USO1: variants seen among roughly 807,000 people sequenced by gnomAD.
USO1 encodes the protein USO1 vesicle transport factor, also known as general vesicular transport factor p115.
A neutral mutation model predicts 124.5 loss-of-function variants in USO1; 57 were observed. The observed-to-expected ratio is 0.46, with a 90% confidence interval of 0.37 to 0.57. The LOEUF is 0.57. Ranked by LOEUF, USO1 falls within the 20% of genes least tolerant of loss-of-function variation. USO1 has a pLI of 0.00. For synonymous variants in USO1, 369 were observed against 362.8 expected (o/e 1.02, Z -0.19); for missense variants, 900 against 1,040.6 (o/e 0.86, Z 1.86).
chr4:75,787,401 A>G (rs1046093552), intron 10 of USO1, among the ~76,000 whole-genome samples, 199 bp downstream of exon 10: 1 of 152,220 alleles, frequency 6.6e-6, no homozygotes, highest in African/African-American at 2.4e-5. Context: ...CAAGTTTTAT[A>G]GTACATAAAT....
chr4:75,796,778 G>A (rs1327811398), intron 13 of USO1, among the ~76,000 whole-genome samples: 1 of 151,120 alleles, frequency 6.6e-6, no homozygotes, highest in Admixed American at 6.6e-5. Flanking sequence ...ACACACTCTA[G>A]GGGCTCTGAA....
chr4:75,791,590 G>C (rs1279871002), intron 12 of USO1, among the ~76,000 whole-genome samples: 1 of 152,182 alleles, frequency 6.6e-6, no homozygotes, highest in Non-Finnish European at 1.5e-5. Context: ...TCAGTCTGTT[G>C]TTCTAGTATA....
intron 4 of USO1, among the ~76,000 whole-genome samples, chr4:75,765,072 C>G (rs1396873555): frequency 1.3e-5 from 2 of 152,134 alleles, no homozygotes; most frequent in African/African-American, 2.4e-5. Flanking sequence ...AAATTACTTT[C>G]AAACGCATGA....
At chr4:75,773,515 G>C (rs1000110019) in intron 7 of USO1, among the ~76,000 whole-genome samples, 1 of 152,102 alleles carries the variant, frequency 6.6e-6, no homozygotes, top group African/African-American at 2.4e-5. Context: ...AGTCAGTAGG[G>C]CAACCAATTT....
chr4:75,802,736 C>CTTT (rs997798305), intron 17 of USO1, among the ~76,000 whole-genome samples: 212 of 63,694 alleles, frequency 3.3e-3, no homozygotes, highest in African/African-American at 4.2e-3. Flanking sequence ...TTTTTCTTTT[C>CTTT]TTTTTTTTTT....
intron 4 of USO1, among the ~76,000 whole-genome samples, chr4:75,759,943 G>A (rs1415735653): frequency 6.6e-6 from 1 of 151,548 alleles, no homozygotes; most frequent in East Asian, 1.9e-4. Context: ...CAGACATGGT[G>A]GCTCACGCCT....
At chr4:75,790,047 T>TAAAAA in intron 10 of USO1, 103 bp from the exon 11 acceptor site, 1 of 1,005,548 alleles carries the variant, frequency 9.9e-7, no homozygotes, top group Non-Finnish European at 1.3e-6. Context: ...TAAAGTATAA[T>TAAAAA]AAAAAAAAAA....
chr4:75,756,126 C>T (rs1401482686), intron 3 of USO1, among the ~76,000 whole-genome samples: 3 of 148,368 alleles, frequency 2.0e-5, no homozygotes, highest in African/African-American at 2.5e-5. Flanking sequence ...GTCAAGATCG[C>T]GCCACTGCAC....
chr4:75,810,360 A>T (rs988959871), intron 21 of USO1, 72 bp from the exon 22 acceptor site: 2 of 1,444,448 alleles, frequency 1.4e-6, no homozygotes, highest in African/African-American at 2.9e-5. Context: ...CAAAAAAATT[A>T]AATAACCCTT....
At position 75,757,619 on chromosome 4, in the gene USO1, A is replaced by G; in HGVS notation, c.295+46A>G. 3 of 1,351,280 alleles carry G rather than the reference A, an allele frequency of 2.2e-6. No homozygotes were observed. In the East Asian group the frequency reaches 9.1e-5, roughly 41 times the overall value. The allele number at this position is 1,351,280 out of a possible 1,614,324, so 83.7% of individuals were successfully genotyped here. A position where few individuals can be genotyped will look rare whatever the true frequency, so the allele number is the denominator to read the frequency against. On this transcript the variant is annotated intron_variant, in intron 4 of 23. Transcript: ENST00000514213. The stretch of plus-strand genomic sequence containing the variant: ...ACTGTGTTTTCTGTACTTAAAACCA[A>G]CTGGGTTGTGCTAATTTTGCTGGTT...
chr4:75,729,484 T>G (rs2869174), intron 1 of USO1, among the ~76,000 whole-genome samples: 1 of 152,016 alleles, frequency 6.6e-6, no homozygotes, highest in Admixed American at 6.6e-5. Context: ...GGACTACAGG[T>G]GCACGCCACC....
rs908275445 is a variant in USO1, at chr4:75,812,173, C to T, written c.2597C>T (p.Ala866Val). 1 of 1,603,396 alleles carries T rather than the reference C, an allele frequency of 6.2e-7. No individual in the cohort carries two copies. Residue 866 changes from alanine (A) to valine (V), a missense_variant, in exon 23 of 24, where the codon GCT becomes GTT. Physicochemically the swap from Ala to Val is moderately conservative, Grantham distance 64 (BLOSUM62 0). This residue lies in a region of USO1 where 362 missense variants were observed against 359.0 expected (regional missense o/e 1.01). Transcript: ENST00000514213. ...TTCTTTTCCTAGAATGAAATTAAAGCTCTGTCTGAGGAAAGAACTGCCATT... is the reference window on the plus strand; with the variant it reads ...TTCTTTTCCTAGAATGAAATTAAAGTTCTGTCTGAGGAAAGAACTGCCATT... ...ETKELKNEIK[A>V]LSEERTAIKE...
At chr4:75,782,521 G>A (rs575302503) in intron 8 of USO1, among the ~76,000 whole-genome samples, 159 bp from the exon 9 acceptor site, 1 of 152,346 alleles carries the variant, frequency 6.6e-6, no homozygotes, top group South Asian at 2.1e-4. Flanking sequence ...GAGCATGCAG[G>A]TTATGGCCTG....
In USO1 at chr4:75,774,657, TTCTC is replaced by T. The variant is rs10588680; in HGVS notation, c.556-17_556-14del. The T allele has an allele frequency of 0.59, 943,110 of 1,585,340 alleles. 286,712 individuals carry two copies. Among genetic ancestry groups the T allele is most frequent in the East Asian group, 0.83 (36,697 of 44,314 alleles). ...CATAAATTTTGTACTCCACTAAACA[TTCTC>T]TTTCTTCTCTATAGGGCGTCTTACT... On this transcript the variant is annotated splice_polypyrimidine_tract_variant and intron_variant, in intron 7 of 23. Transcript: ENST00000514213.
In USO1 at chr4:75,752,547, G is replaced by T. The variant is rs905180462; in HGVS notation, c.161G>T (p.Arg54Leu). Residue 54 changes from arginine to leucine, a missense_variant, in exon 3 of 24, where the codon CGC becomes CTC. Physicochemically the swap from Arg to Leu is moderately radical, Grantham distance 102. This residue lies in a region of USO1 where 538 missense variants were observed against 681.6 expected (regional missense o/e 0.79). Coordinates refer to ENST00000514213, the MANE Select transcript of USO1 (RefSeq NM_003715.4). Reference sequence around the variant, plus strand: ...TTTATTTTTTATGTGCAGAAATACCGCTTGGAAGTGGGTATACAAGCTATG... The same window carrying T: ...TTTATTTTTTATGTGCAGAAATACCTCTTGGAAGTGGGTATACAAGCTATG... Reference protein sequence around the residue: ...RALKSLSKKYRLEVGIQAMEH... With the variant: ...RALKSLSKKYLLEVGIQAMEH... The T allele has an allele frequency of 5.0e-6, 2 of 398,354 alleles. No homozygotes were observed. 24.7% of individuals were successfully genotyped at this position (398,354 alleles called of 1,614,324 possible).
intron 1 of USO1, among the ~76,000 whole-genome samples, chr4:75,737,428 G>A (rs1046570051): frequency 1.3e-5 from 2 of 151,912 alleles, no homozygotes; most frequent in Admixed American, 1.3e-4. Context: ...TTTTTTCTTC[G>A]TGATTTCATT....
At chr4:75,803,856 A>G (rs556691418) in intron 17 of USO1, among the ~76,000 whole-genome samples, 14 of 152,266 alleles carry the variant, frequency 9.2e-5, no homozygotes, top group African/African-American at 1.7e-4. Context: ...TTATGACCAT[A>G]AAATGGAGTT....
In USO1 at chr4:75,773,194, TTTTA is replaced by T. The variant is rs202139123; in HGVS notation, c.556-1478_556-1475del. Among the ~76,000 whole-genome samples, 398 of 152,364 alleles carry T rather than the reference TTTTA, an allele frequency of 2.6e-3. 2 individuals are homozygous for T. Among genetic ancestry groups the T allele is most frequent in the East Asian group, 0.014 (74 of 5,190 alleles). ...ATTCTGCTCCTAACCTTTTTTCAAC[TTTTA>T]TTTGAGACAGACAAATAAGTGTCTA... is the stretch of plus-strand genomic sequence containing the variant. On this transcript the variant is annotated intron_variant, in intron 7 of 23. Transcript: ENST00000514213.
chr4:75,743,185 C>A (rs1272271479), intron 1 of USO1, among the ~76,000 whole-genome samples: 2 of 151,966 alleles, frequency 1.3e-5, no homozygotes, highest in Non-Finnish European at 2.9e-5. Context: ...CAGGGTTTCA[C>A]CGTGTTAGCC....
Sources: allele counts gnomAD v4.1 joint callset (sites outside exome capture counted in the v4.1 genomes callset), GRCh38; gene constraint gnomAD v4.1.1; regional missense constraint gnomAD v4.1.1; transcripts MANE v1.5; gene names NCBI Gene and HGNC (gene_info 2026-07-23, HGNC 2026-07-21).